OPCML: variants seen among roughly 807,000 people sequenced by gnomAD.
OPCML encodes the protein opioid binding protein/cell adhesion molecule like.
Under a neutral mutation model 37.8 loss-of-function variants are expected in OPCML, and 13 were observed. The ratio of observed to expected loss-of-function variants is 0.34; its 90% confidence interval spans 0.22 to 0.55. The LOEUF (loss-of-function observed/expected upper bound fraction) is 0.55. OPCML is among the 20% of genes least tolerant of loss of function. OPCML has a pLI of 0.91. For missense variants in OPCML, 341 were observed against 435.6 expected (o/e 0.78, Z 1.93); for synonymous variants, 176 against 168.8 (o/e 1.04, Z -0.33).
chr11:132,649,769 A>G (rs572877547), intron 3 of OPCML, among the ~76,000 whole-genome samples: 1 of 152,296 alleles, frequency 6.6e-6, no homozygotes, highest in African/African-American at 2.4e-5. Flanking sequence ...ATACATATAT[A>G]TGCTTGATGT....
chr11:132,706,902 G>C (rs1944056127), intron 2 of OPCML, among the ~76,000 whole-genome samples: 1 of 152,108 alleles, frequency 6.6e-6, no homozygotes, highest in African/African-American at 2.4e-5. Context: ...GTTCTTCAAG[G>C]CTTCGTACAT....
In OPCML at chr11:132,682,558, G is replaced by T. The variant is rs138712688; in HGVS notation, c.147-25239C>A. Among the ~76,000 whole-genome samples, 975 of 152,288 alleles carry T rather than the reference G, an allele frequency of 6.4e-3. 14 individuals carry two copies. The highest frequency in any genetic ancestry group is 0.022 in the African/African-American group (913 of 41,566). On this transcript the variant is annotated intron_variant, in intron 2 of 7. Transcript: ENST00000524381. ...TAATTAAGCACCCACACATGAGAAA[G>T]CCTGTTTAGAACCAAGGTCTGCTTA...
At chr11:133,368,174 A>C (rs1415049591) in intron 1 of OPCML, among the ~76,000 whole-genome samples, 1 of 151,156 alleles carries the variant, frequency 6.6e-6, no homozygotes, top group Non-Finnish European at 1.5e-5. Flanking sequence ...CCAATGTGAA[A>C]GCGAAAGGGA....
intron 4 of OPCML, among the ~76,000 whole-genome samples, chr11:132,466,460 G>A (rs578122569): frequency 1.1e-4 from 17 of 151,624 alleles, no homozygotes; most frequent in Non-Finnish European, 2.1e-4. Flanking sequence ...CTCCAGCCTG[G>A]GCGACACAGC....
At chr11:132,552,088 G>A (rs2096383026) in intron 3 of OPCML, among the ~76,000 whole-genome samples, 1 of 152,218 alleles carries the variant, frequency 6.6e-6, no homozygotes, top group African/African-American at 2.4e-5. Flanking sequence ...CACTAGAAGA[G>A]CTGTAAAAAC....
chr11:132,433,521 T>A (rs2096004140), intron 7 of OPCML, among the ~76,000 whole-genome samples: 1 of 152,154 alleles, frequency 6.6e-6, no homozygotes, highest in African/African-American at 2.4e-5. Context: ...CTCAGCAAGT[T>A]TAAGTGAATT....
At chr11:132,705,575 G>C (rs1167360971) in intron 2 of OPCML, among the ~76,000 whole-genome samples, 1 of 152,042 alleles carries the variant, frequency 6.6e-6, no homozygotes, top group African/African-American at 2.4e-5. Flanking sequence ...CTGAGCAACA[G>C]AGCCAGACCT....
intron 2 of OPCML, among the ~76,000 whole-genome samples, chr11:132,879,415 T>C (rs551050057): frequency 1.3e-5 from 2 of 152,316 alleles, no homozygotes; most frequent in South Asian, 4.1e-4. Flanking sequence ...CAAAGAGTTA[T>C]GAAAGTTTCT....
rs530968063 is a variant in OPCML at position 133,173,652 on chromosome 11, C to A, written c.62-230642G>T. On this transcript the variant is annotated intron_variant, in intron 1 of 7. Transcript: ENST00000524381. This position sits in a 1 kb window ranked among gnomAD's most constrained non-coding sequence, Gnocchi z 7.8. ...ATTAGCAGTAACGCGATGAGGCTAA[C>A]GTAAGGGTAGACACCTCCCTGCAGA... 5.9e-5 allele frequency among the ~76,000 whole-genome samples: 9 copies of A among 152,278 alleles called. No individual in the cohort carries two copies. The highest frequency in any genetic ancestry group is 5.2e-4 in the Admixed American group (8 of 15,284).
intron 1 of OPCML, among the ~76,000 whole-genome samples, chr11:133,242,921 A>G (rs1940782450): frequency 6.6e-6 from 1 of 152,228 alleles, no homozygotes; most frequent in East Asian, 1.9e-4. Context: ...TACATTTTAG[A>G]AAAAAATAGT....
chr11:132,932,710 T>C (rs989807721), intron 2 of OPCML, among the ~76,000 whole-genome samples: 15 of 144,196 alleles, frequency 1.0e-4, no homozygotes, highest in African/African-American at 3.8e-4. Flanking sequence ...TATATATATA[T>C]ATACAAATGC....
intron 3 of OPCML, 73 bp from the exon 4 acceptor site, chr11:132,529,259 AT>A: frequency 1.3e-6 from 2 of 1,500,382 alleles, no homozygotes; most frequent in Non-Finnish European, 1.8e-6. Flanking sequence ...TAGCCTACAA[AT>A]TTTTGTATAG....
At chr11:133,005,548 C>A (rs1485988349) in intron 1 of OPCML, 2 of 985,082 alleles carry the variant, frequency 2.0e-6, no homozygotes, top group African/African-American at 1.7e-5. Context: ...ATAGCTAAGA[C>A]ATATTTTTGA....
chr11:133,077,235 G>C (rs1033116835), intron 1 of OPCML, among the ~76,000 whole-genome samples: 1 of 151,870 alleles, frequency 6.6e-6, no homozygotes, highest in African/African-American at 2.4e-5. Context: ...GGAGAGGTCT[G>C]TGCCCCATCA....
Position 132,657,209 on chromosome 11 carries a change from T to C in OPCML, c.257A>G (p.Asn86Ser). The part of the protein sequence containing the change: ...SIDPRVIILV[N>S]TPTQYSIMIQ... ...CATGATGCTGTACTGGGTTGGTGTA[T>C]TGACCAGGATGATCACACGAGGGTC... Residue 86 changes from asparagine to serine, a missense_variant, in exon 3 of 8, where the codon AAT becomes AGT. Physicochemically the swap from Asn to Ser is conservative, Grantham distance 46. Coordinates refer to ENST00000524381, the MANE Select transcript of OPCML (RefSeq NM_001012393.5). 6.2e-7 allele frequency: 1 copy of C among 1,614,248 alleles called. No homozygotes were observed. Among genetic ancestry groups the C allele is most frequent in the Non-Finnish European group, 8.5e-7 (1 of 1,180,052 alleles).
intron 2 of OPCML, among the ~76,000 whole-genome samples, chr11:132,784,580 G>A (rs958515341): frequency 1.3e-5 from 2 of 152,096 alleles, no homozygotes; most frequent in African/African-American, 2.4e-5. Flanking sequence ...TGGTTCGAAT[G>A]CTTTGTCCCC....
intron 1 of OPCML, among the ~76,000 whole-genome samples, chr11:133,497,500 T>A (rs995558433): frequency 2.4e-4 from 37 of 152,176 alleles, no homozygotes; most frequent in African/African-American, 8.4e-4. Flanking sequence ...ATCTCCTGAC[T>A]TCTAATATTT....
chr11:132,958,635 C>T (rs1184503507), intron 1 of OPCML, among the ~76,000 whole-genome samples: 1 of 152,204 alleles, frequency 6.6e-6, no homozygotes, highest in Non-Finnish European at 1.5e-5. Flanking sequence ...CAGCTGTTGA[C>T]TTTAAGTGAA....
At chr11:133,226,874 TGA>T (rs1436146305) in intron 1 of OPCML, among the ~76,000 whole-genome samples, 56 of 152,156 alleles carry the variant, frequency 3.7e-4, no homozygotes, top group African/African-American at 1.1e-3. Flanking sequence ...CCCAGCACCC[TGA>T]GAGAGAGTCC....
Sources: allele counts gnomAD v4.1 joint callset (sites outside exome capture counted in the v4.1 genomes callset), GRCh38; gene constraint gnomAD v4.1.1; non-coding constraint Gnocchi (gnomAD v3.1); transcripts MANE v1.5; gene names NCBI Gene and HGNC (gene_info 2026-07-23, HGNC 2026-07-21).